The following DUSP16 variants were observed in gnomAD, a reference collection of about 807,000 sequenced individuals.
DUSP16 encodes the protein dual specificity phosphatase 16.
DUSP16 carries 21 observed loss-of-function variants against 58.3 expected under a neutral mutation model. That is an observed-to-expected ratio of 0.36 (90% CI 0.26 to 0.52). The LOEUF is 0.52. Among genes scored for constraint, DUSP16 ranks in the 20% least tolerant of loss-of-function variants. DUSP16 has a pLI of 0.94. For missense variants in DUSP16, 726 were observed against 819.0 expected, an observed-to-expected ratio of 0.89 and a Z score of 1.39; for synonymous variants, 320 against 323.8, an observed-to-expected ratio of 0.99 and a Z score of 0.12.
chr12:12,529,745 C>A (rs965063438), intron 1 of DUSP16, among the ~76,000 whole-genome samples: 1 of 152,192 alleles, frequency 6.6e-6, no homozygotes, highest in Admixed American at 6.5e-5. Flanking sequence ...TCCATGAGAT[C>A]AACTTTTTCA....
chr12:12,485,860 C>A (rs907804512), intron 5 of DUSP16, among the ~76,000 whole-genome samples: 1 of 131,736 alleles, frequency 7.6e-6, no homozygotes, highest in Non-Finnish European at 1.5e-5. Context: ...ATGGTGCAAT[C>A]TTGGCTCACT....
Position 12,499,769 on chromosome 12 carries a change from A to G in DUSP16, c.531+750T>C, listed in dbSNP as rs148294911. Among the ~76,000 whole-genome samples the G allele has an allele frequency of 4.7e-3, 713 of 152,240 alleles. 8 individuals are homozygous for G. Among genetic ancestry groups the G allele is most frequent in the African/African-American group, 0.016 (646 of 41,538 alleles). On this transcript the variant is annotated intron_variant, in intron 4 of 6. Transcript: ENST00000298573. ...GTAAATTAAGAGATTTTAGAGAAAA[A>G]TCACTTTTCCACGCAGTAAGAGCAC... is the stretch of plus-strand genomic sequence containing the variant.
At chr12:12,557,072 G>T (rs1285431533) in intron 1 of DUSP16, among the ~76,000 whole-genome samples, 2 of 151,986 alleles carry the variant, frequency 1.3e-5, no homozygotes, top group East Asian at 1.9e-4. Flanking sequence ...AGTAAACAAT[G>T]ACATTAATCT....
At chr12:12,522,816 A>C (rs143261804) in intron 1 of DUSP16, among the ~76,000 whole-genome samples, 12,106 of 152,190 alleles carry the variant, frequency 0.08, 526 homozygotes, top group Non-Finnish European at 0.096. Flanking sequence ...CACCTGTCTC[A>C]GCCTCCCAAA....
At chr12:12,555,155 T>C (rs1944789030) in intron 1 of DUSP16, among the ~76,000 whole-genome samples, 1 of 152,168 alleles carries the variant, frequency 6.6e-6, no homozygotes. Flanking sequence ...GCTGTTACAC[T>C]GTGAGCCGAA....
chr12:12,538,403 A>C (rs1944502553), intron 1 of DUSP16, among the ~76,000 whole-genome samples: 1 of 152,234 alleles, frequency 6.6e-6, no homozygotes, highest in Non-Finnish European at 1.5e-5. Flanking sequence ...CACTTAGTCT[A>C]GTGCATGTCT....
At chr12:12,522,911 T>C (rs1944256515) in intron 1 of DUSP16, among the ~76,000 whole-genome samples, 2 of 152,198 alleles carry the variant, frequency 1.3e-5, no homozygotes, top group Admixed American at 1.3e-4. Context: ...TTCTTACTTC[T>C]ACAGTACTTT....
At chr12:12,532,809 G>A (rs540029868) in intron 1 of DUSP16, among the ~76,000 whole-genome samples, 3 of 152,216 alleles carry the variant, frequency 2.0e-5, no homozygotes, top group African/African-American at 7.2e-5. Context: ...TTAGCTGGGC[G>A]TGGTGGTGCA....
chr12:12,477,632 A>T lies in DUSP16; in HGVS notation c.1199T>A (p.Phe400Tyr). The T allele has an allele frequency of 6.2e-7, 1 of 1,614,222 alleles. No individual in the cohort carries two copies. The highest frequency in any genetic ancestry group is 8.5e-7 in the Non-Finnish European group (1 of 1,180,034). Reference protein sequence around the residue: ...LEDSNKLKRSFSLDIKSVSYS... With the variant: ...LEDSNKLKRSYSLDIKSVSYS... Reference sequence around the variant, plus strand: ...TGAAACTGATTTGATATCCAGAGAGAAGGAACGCTTGAGCTTATTGCTGTC... The same window carrying T: ...TGAAACTGATTTGATATCCAGAGAGTAGGAACGCTTGAGCTTATTGCTGTC... The change falls in exon 7 of 7, where the codon TTC (phenylalanine) becomes TAC (tyrosine). Residue 400 changes from phenylalanine to tyrosine, a missense_variant. Transcript: ENST00000298573. This position sits in a 1 kb window ranked among gnomAD's most constrained non-coding sequence, Gnocchi z 4.1.
intron 1 of DUSP16, among the ~76,000 whole-genome samples, chr12:12,536,017 G>C (rs938821733): frequency 1.3e-5 from 2 of 152,212 alleles, no homozygotes; most frequent in African/African-American, 4.8e-5. Context: ...AATAACATAA[G>C]AACACTACTA....
intron 1 of DUSP16, among the ~76,000 whole-genome samples, chr12:12,542,540 AATTAGATAGTAGTGATTACT>A (rs1944579753): frequency 6.6e-6 from 1 of 152,156 alleles, no homozygotes; most frequent in Non-Finnish European, 1.5e-5. Flanking sequence ...AATGTCCTAG[AATTAGATAGTAGTGATTACT>A]ACACAACTGT....
intron 1 of DUSP16, among the ~76,000 whole-genome samples, chr12:12,553,468 A>T (rs1290023357): frequency 6.6e-6 from 1 of 152,232 alleles, no homozygotes; most frequent in Non-Finnish European, 1.5e-5. Context: ...AATATGTAAA[A>T]GCAATTTATA....
chr12:12,557,283 G>A (rs186025818), intron 1 of DUSP16, among the ~76,000 whole-genome samples: 3 of 151,906 alleles, frequency 2.0e-5, no homozygotes, highest in East Asian at 1.9e-4. Flanking sequence ...GTGAAACCCC[G>A]TCTCTACTAA....
chr12:12,556,871 T>A (rs537551794), intron 1 of DUSP16, among the ~76,000 whole-genome samples: 2 of 152,308 alleles, frequency 1.3e-5, no homozygotes, highest in South Asian at 2.1e-4. Context: ...ACAGGTGTCA[T>A]CCCTTACCCT....
intron 1 of DUSP16, among the ~76,000 whole-genome samples, chr12:12,533,867 C>G (rs111750001): frequency 0.011 from 1,742 of 152,316 alleles, 36 homozygotes; most frequent in African/African-American, 0.04. Flanking sequence ...TCAGTGATCA[C>G]TAATATCTAA....
rs565204578 is a variant in DUSP16, at chr12:12,525,097, T to A, written c.-365-3634A>T. 2.0e-5 allele frequency among the ~76,000 whole-genome samples: 3 copies of A among 152,318 alleles called. No individual in the cohort carries two copies. In the South Asian group the frequency reaches 6.2e-4, roughly 32 times the overall value. On this transcript the variant is annotated intron_variant, in intron 1 of 6. Coordinates refer to ENST00000298573, the MANE Select transcript of DUSP16 (RefSeq NM_030640.3). ...AAGCACAAATATACACACTTTTCCTTCTCTTTGTTCAAATGGTTACAAAGT... is the reference window on the plus strand; with the variant it reads ...AAGCACAAATATACACACTTTTCCTACTCTTTGTTCAAATGGTTACAAAGT...
chr12:12,543,801 G>C (rs1944599919), intron 1 of DUSP16, among the ~76,000 whole-genome samples: 1 of 151,978 alleles, frequency 6.6e-6, no homozygotes, highest in African/African-American at 2.4e-5. Context: ...AGGAATGTTT[G>C]GATTTGGTTA....
At chr12:12,546,806 G>A (rs368291614) in intron 1 of DUSP16, among the ~76,000 whole-genome samples, 1 of 152,266 alleles carries the variant, frequency 6.6e-6, no homozygotes, top group East Asian at 1.9e-4. Flanking sequence ...GCACCATATG[G>A]CAATAATATA....
At chr12:12,552,950 T>C (rs1036516886) in intron 1 of DUSP16, among the ~76,000 whole-genome samples, 1 of 151,944 alleles carries the variant, frequency 6.6e-6, no homozygotes, top group Non-Finnish European at 1.5e-5. Context: ...CTGGCTAATT[T>C]TTGTATTTTT....
Sources: allele counts gnomAD v4.1 joint callset (sites outside exome capture counted in the v4.1 genomes callset), GRCh38; gene constraint gnomAD v4.1.1; non-coding constraint Gnocchi (gnomAD v3.1); transcripts MANE v1.5; gene names NCBI Gene and HGNC (gene_info 2026-07-23, HGNC 2026-07-21).